The following TSPAN9 variants were observed in gnomAD, a reference collection of about 807,000 sequenced individuals.
TSPAN9 encodes tetraspanin 9.
Under a neutral mutation model 31.0 loss-of-function variants are expected in TSPAN9, and 16 were observed. The ratio of observed to expected loss-of-function variants is 0.52; its 90% CI spans 0.35 to 0.78. TSPAN9 has a LOEUF of 0.78. Ranked by LOEUF, TSPAN9 falls within the 30% of genes least tolerant of loss-of-function variation. The pLI is 0.01. For missense variants in TSPAN9, 272 were observed against 312.5 expected (o/e 0.87, Z 0.98); for synonymous variants, 145 against 121.6 (o/e 1.19, Z -1.27).
At chr12:3,248,213 A>G (rs1333835388) in intron 3 of TSPAN9, among the ~76,000 whole-genome samples, 1 of 152,150 alleles carries the variant, frequency 6.6e-6, no homozygotes, top group East Asian at 1.9e-4. Context: ...ACTTCCTTCA[A>G]GGTGCTGTGG....
At position 3,285,556 on chromosome 12, in the gene TSPAN9, G is replaced by C. The variant is rs1243912007; in HGVS notation, c.*2440G>C. 1 of 152,162 alleles carries C rather than the reference G, an allele frequency of 6.6e-6. No individual in the cohort carries two copies. The highest frequency in any genetic ancestry group is 6.5e-5 in the Admixed American group (1 of 15,278). 9.4% of individuals were successfully genotyped at this position (152,162 alleles called of 1,614,324 possible). A position where few individuals can be genotyped will look rare whatever the true frequency, so the allele number is the denominator to read the frequency against. On this transcript the variant is annotated 3_prime_UTR_variant, in exon 9 of 9. Coordinates refer to ENST00000011898, the MANE Select transcript of TSPAN9 (RefSeq NM_006675.5). Reference sequence around the variant, plus strand: ...TATTTGGCTTAGTCTACATTGGGCGGAAGTCTGTGTGCACAGAGTGGGTGT... The same window carrying C: ...TATTTGGCTTAGTCTACATTGGGCGCAAGTCTGTGTGCACAGAGTGGGTGT...
intron 3 of TSPAN9, among the ~76,000 whole-genome samples, chr12:3,221,386 C>G (rs2098384511): frequency 8.8e-6 from 1 of 113,268 alleles, no homozygotes; most frequent in Non-Finnish European, 1.8e-5. Flanking sequence ...TAGATGAAGT[C>G]TCATTCTTGT....
chr12:3,138,397 A>G (rs998348349), intron 2 of TSPAN9, among the ~76,000 whole-genome samples: 10 of 151,866 alleles, frequency 6.6e-5, no homozygotes, highest in African/African-American at 2.4e-4. Context: ...AATTGGTGGG[A>G]TGGGAAGAGG....
chr12:3,264,412 G>A (rs924020812), intron 3 of TSPAN9, among the ~76,000 whole-genome samples: 11 of 152,236 alleles, frequency 7.2e-5, no homozygotes, highest in Non-Finnish European at 1.2e-4. Flanking sequence ...ACGGTCCAGA[G>A]CACAGACGGC....
chr12:3,185,412 G>A (rs2098360695), intron 2 of TSPAN9, among the ~76,000 whole-genome samples: 1 of 152,146 alleles, frequency 6.6e-6, no homozygotes, highest in Non-Finnish European at 1.5e-5. Context: ...GAAACTCAGG[G>A]GGTCACTTTC....
intron 2 of TSPAN9, among the ~76,000 whole-genome samples, chr12:3,112,031 G>A (rs2098319043): frequency 6.6e-6 from 1 of 151,766 alleles, no homozygotes; most frequent in African/African-American, 2.4e-5. Flanking sequence ...TTTTCTTTAG[G>A]TGTTTTGTGT....
chr12:3,272,594 A>G (rs1862701907), intron 3 of TSPAN9, among the ~76,000 whole-genome samples: 1 of 151,902 alleles, frequency 6.6e-6, no homozygotes, highest in Non-Finnish European at 1.5e-5. Context: ...GCAAGTCTAC[A>G]CAGAAGCCTG....
intron 2 of TSPAN9, among the ~76,000 whole-genome samples, chr12:3,142,338 C>T (rs1157526048): frequency 1.3e-5 from 2 of 152,194 alleles, no homozygotes; most frequent in Non-Finnish European, 2.9e-5. Flanking sequence ...GACCCCTCCT[C>T]CTTTCCTTGG....
intron 3 of TSPAN9, among the ~76,000 whole-genome samples, chr12:3,240,203 A>G (rs2098395895): frequency 6.6e-6 from 1 of 152,100 alleles, no homozygotes; most frequent in Non-Finnish European, 1.5e-5. Context: ...GGTCCCAGAC[A>G]TCCTGTCATT....
intron 2 of TSPAN9, chr12:3,200,058 T>G (rs2098370412): frequency 6.5e-6 from 1 of 152,698 alleles, no homozygotes; most frequent in Non-Finnish European, 1.5e-5. Flanking sequence ...CCCCCTCCTT[T>G]CGCCGCCCCC....
At chr12:3,275,205 C>T (rs981022901) in intron 3 of TSPAN9, among the ~76,000 whole-genome samples, 1 of 152,308 alleles carries the variant, frequency 6.6e-6, no homozygotes, top group African/African-American at 2.4e-5. Context: ...GCACTTATCC[C>T]AGGAGGGAAG....
At chr12:3,220,145 C>CAA (rs55735802) in intron 3 of TSPAN9, among the ~76,000 whole-genome samples, 5 of 137,348 alleles carry the variant, frequency 3.6e-5, no homozygotes, top group East Asian at 2.1e-4. Context: ...AACTCTGTCT[C>CAA]AAAAAAAAAA....
chr12:3,229,757 C>T (rs2098389713), intron 3 of TSPAN9, among the ~76,000 whole-genome samples: 1 of 103,702 alleles, frequency 9.6e-6, no homozygotes, highest in South Asian at 3.2e-4. Context: ...CTGCCAGGCA[C>T]AGCTGGGGCT....
rs1035769879 is a variant in TSPAN9 at position 3,174,814 on chromosome 12, C to A, written c.-17-26363C>A. On this transcript the variant is annotated intron_variant, in intron 2 of 8. Coordinates refer to ENST00000011898, the MANE Select transcript of TSPAN9 (RefSeq NM_006675.5). ...AGCCAGGATGGTCTCGATCTCCTGA[C>A]CTCGTGATCCTCCCGCCTCGGCCTC... 1.6e-3 allele frequency among the ~76,000 whole-genome samples: 247 copies of A among 150,554 alleles called. 3 individuals carry two copies. Among genetic ancestry groups the A allele is most frequent in the African/African-American group, 5.7e-3 (234 of 41,300 alleles).
intron 3 of TSPAN9, among the ~76,000 whole-genome samples, chr12:3,208,375 G>A (rs1269235323): frequency 1.3e-5 from 2 of 152,202 alleles, no homozygotes; most frequent in Non-Finnish European, 2.9e-5. Flanking sequence ...AGTGGAGAAG[G>A]ATGTGGTCTC....
intron 2 of TSPAN9, among the ~76,000 whole-genome samples, chr12:3,188,408 A>C (rs1316666300): frequency 1.3e-5 from 2 of 152,042 alleles, no homozygotes; most frequent in African/African-American, 2.4e-5. Context: ...GGCAGGGGGA[A>C]TATGCATTCA....
At chr12:3,222,201 A>AG (rs968551797) in intron 3 of TSPAN9, among the ~76,000 whole-genome samples, 2 of 152,166 alleles carry the variant, frequency 1.3e-5, no homozygotes, top group South Asian at 2.1e-4. Context: ...GGCATGCAGA[A>AG]GGGGGGGACG....
intron 2 of TSPAN9, among the ~76,000 whole-genome samples, chr12:3,148,942 G>A (rs184414143): frequency 7.9e-5 from 12 of 152,326 alleles, no homozygotes; most frequent in Non-Finnish European, 1.5e-4. Context: ...TTTGGCTCCT[G>A]CCTCTAAGGA....
intron 2 of TSPAN9, among the ~76,000 whole-genome samples, chr12:3,126,560 T>G (rs1444857838): frequency 6.6e-6 from 1 of 152,206 alleles, no homozygotes; most frequent in Non-Finnish European, 1.5e-5. Context: ...TACCCCTGTA[T>G]TAGGCTGTTC....
Sources: gnomAD v4.1 joint callset for allele counts (sites outside exome capture counted in the v4.1 genomes callset) on GRCh38, gnomAD v4.1.1 for gene constraint, MANE v1.5 for transcripts, NCBI Gene and HGNC (gene_info 2026-07-23, HGNC 2026-07-21) for gene names.